Variants in IL36B observed in about 807,000 individuals in gnomAD.
The protein encoded by IL36B is interleukin 36 beta, also known as interleukin-36 beta.
In IL36B, 23 loss-of-function variants were observed where a neutral mutation model predicts 19.3. The ratio of observed to expected loss-of-function variants is 1.19; its 90% CI spans 0.86 to 1.69. The LOEUF (loss-of-function observed/expected upper bound fraction) is 1.69, where lower values mean the gene tolerates loss of function less well. IL36B is among the 40% of genes most tolerant of loss of function. IL36B has a pLI of 0.00. For missense variants in IL36B, 217 were observed against 200.5 expected (o/e 1.08, Z -0.50); for synonymous variants, 59 against 59.7 (o/e 0.99, Z 0.05).
intron 3 of IL36B, among the ~76,000 whole-genome samples, chr2:113,030,071 A>T (rs989466624): frequency 6.6e-6 from 1 of 152,140 alleles, no homozygotes; most frequent in African/African-American, 2.4e-5. Context: ...TCTCTATTAA[A>T]AATACAAAAA....
intron 1 of IL36B, among the ~76,000 whole-genome samples, chr2:113,034,542 A>T (rs923746828): frequency 6.6e-6 from 1 of 152,192 alleles, no homozygotes; most frequent in African/African-American, 2.4e-5. Flanking sequence ...GGGCCAGGGA[A>T]CCTGTTTTGT....
chr2:113,047,884 A>G (rs1004492206), intron 1 of IL36B, among the ~76,000 whole-genome samples: 7 of 152,344 alleles, frequency 4.6e-5, no homozygotes, highest in South Asian at 2.1e-4. Flanking sequence ...TAATAAGTCA[A>G]TAAAAGAGAT....
At chr2:113,036,204 C>T (rs1685165199) in intron 1 of IL36B, among the ~76,000 whole-genome samples, 1 of 152,060 alleles carries the variant, frequency 6.6e-6, no homozygotes, top group African/African-American at 2.4e-5. Context: ...CCTCTGCCTC[C>T]CAAAGTGCTG....
At chr2:113,030,337 T>G (rs1685048479) in intron 3 of IL36B, among the ~76,000 whole-genome samples, 1 of 152,002 alleles carries the variant, frequency 6.6e-6, no homozygotes. Context: ...TCCTTTGGGT[T>G]TGAGTATTTG....
At chr2:113,025,019 A>G (rs1053110147) in intron 5 of IL36B, among the ~76,000 whole-genome samples, 3 of 152,210 alleles carry the variant, frequency 2.0e-5, no homozygotes, top group Non-Finnish European at 4.4e-5. Context: ...GCTGTTGTGC[A>G]TATGCATAAA....
chr2:113,045,473 G>T (rs865918874), intron 1 of IL36B, among the ~76,000 whole-genome samples: 2 of 151,822 alleles, frequency 1.3e-5, no homozygotes, highest in South Asian at 2.1e-4. Context: ...TCATGTGCAC[G>T]GGGTCATCAA....
rs573101732 is a variant in IL36B at position 113,036,286 on chromosome 2, T to TA, written c.-57-4521dup. Among the ~76,000 whole-genome samples, 678 of 149,066 alleles carry TA rather than the reference T, an allele frequency of 4.5e-3. 6 individuals are homozygous for TA. The highest frequency in any genetic ancestry group is 0.015 in the African/African-American group (591 of 40,688). The stretch of plus-strand genomic sequence containing the variant: ...TTAAAGCAATATACATGTGTTGTTA[T>TA]AAAAAAAAAGATTAAAACTAATTAG... On this transcript the variant is annotated intron_variant, in intron 1 of 5. Coordinates refer to ENST00000259213, the MANE Select transcript of IL36B (RefSeq NM_014438.5).
At chr2:113,030,935 G>C (rs1325874417) in intron 3 of IL36B, 113 bp downstream of exon 3, 1 of 724,200 alleles carries the variant, frequency 1.4e-6, no homozygotes. Flanking sequence ...TGGCTGTTGG[G>C]CTGGTGCCTA....
At chr2:113,033,486 G>A (rs376445968) in intron 1 of IL36B, among the ~76,000 whole-genome samples, 4 of 152,116 alleles carry the variant, frequency 2.6e-5, no homozygotes, top group Admixed American at 6.5e-5. Flanking sequence ...CAGTCCACCC[G>A]CCTCGGCCTC....
intron 1 of IL36B, 56 bp from the exon 2 acceptor site, chr2:113,031,822 C>T: frequency 1.2e-6 from 1 of 835,896 alleles, no homozygotes; most frequent in South Asian, 1.5e-5. Context: ...ATGCTTTTTT[C>T]TCCTCTCCCC....
chr2:113,039,413 T>G (rs2105051289), intron 1 of IL36B, among the ~76,000 whole-genome samples: 1 of 152,336 alleles, frequency 6.6e-6, no homozygotes, highest in South Asian at 2.1e-4. Flanking sequence ...ATTAACTTTG[T>G]GTTTAGTTAA....
intron 1 of IL36B, among the ~76,000 whole-genome samples, chr2:113,032,489 G>A (rs1270778129): frequency 6.6e-6 from 1 of 152,058 alleles, no homozygotes; most frequent in Admixed American, 6.5e-5. Context: ...TGATTCAATA[G>A]TTGTCCCTAC....
chr2:113,028,119 G>A lies in IL36B; in HGVS notation c.261+820C>T. 1 of 1,613,326 alleles carries A rather than the reference G, an allele frequency of 6.2e-7. No homozygotes were observed. ...ACAGGTCCATGATATTTTTTTCCTG[G>A]GGGTGGAAAAGAGGCTTGTTAGAGA... On this transcript the variant is annotated intron_variant, in intron 4 of 5. Transcript: ENST00000259213.
At chr2:113,035,268 A>T (rs529344074) in intron 1 of IL36B, among the ~76,000 whole-genome samples, 1 of 152,182 alleles carries the variant, frequency 6.6e-6, no homozygotes, top group Non-Finnish European at 1.5e-5. Context: ...ATGAAGACAG[A>T]CAGGGTGACA....
intron 1 of IL36B, among the ~76,000 whole-genome samples, chr2:113,046,278 C>T (rs188928955): frequency 6.6e-6 from 1 of 150,406 alleles, no homozygotes; most frequent in African/African-American, 2.5e-5. Flanking sequence ...GGCACCATCT[C>T]GGCTTACTGC....
chr2:113,042,359 C>CATATTT (rs34868654), intron 1 of IL36B, among the ~76,000 whole-genome samples: 114,057 of 151,474 alleles, frequency 0.75, 43,382 homozygotes, highest in East Asian at 0.94. Flanking sequence ...ATAAACGGCG[C>CATATTT]AAAATATACA....
intron 4 of IL36B, chr2:113,027,859 T>C (rs1377044006): frequency 2.5e-6 from 4 of 1,608,176 alleles, no homozygotes; most frequent in African/African-American, 1.3e-5. Flanking sequence ...TCTGACAGCT[T>C]GATTCTCTAT....
chr2:113,049,916 C>T (rs1685413059), intron 1 of IL36B, among the ~76,000 whole-genome samples: 1 of 151,530 alleles, frequency 6.6e-6, no homozygotes, highest in Non-Finnish European at 1.5e-5. Flanking sequence ...GATCACGCCA[C>T]TTCACTCCAG....
rs548098931 is a variant in IL36B, at chr2:113,024,253, G to C, written c.392-1476C>G. On this transcript the variant is annotated intron_variant, in intron 5 of 5. Transcript: ENST00000259213. ...AAGCAACAAAAGCATCAACACCTCC[G>C]TGAATATTAGAGTATCTCATAGGCT... Among the ~76,000 whole-genome samples the C allele has an allele frequency of 1.1e-4, 16 of 152,198 alleles. No individual in the cohort carries two copies. The South Asian group carries it at 3.1e-3, about 30-fold the overall frequency.
Sources: gnomAD v4.1 joint callset for allele counts (sites outside exome capture counted in the v4.1 genomes callset) on GRCh38, gnomAD v4.1.1 for gene constraint, MANE v1.5 for transcripts, NCBI Gene and HGNC (gene_info 2026-07-23, HGNC 2026-07-21) for gene names.